Variants in RNF34 observed in about 807,000 individuals in gnomAD.
The protein encoded by RNF34 is ring finger protein 34.
RNF34 carries 12 observed loss-of-function variants against 37.9 expected under a neutral mutation model. The observed-to-expected ratio is 0.32, with a 90% confidence interval of 0.20 to 0.51. The LOEUF (loss-of-function observed/expected upper bound fraction) is 0.51, where lower values mean the gene tolerates loss of function less well. Ranked by LOEUF, RNF34 falls within the 20% of genes least tolerant of loss-of-function variation. RNF34 has a pLI of 0.97. For synonymous variants in RNF34, 155 were observed against 177.2 expected (o/e 0.87, Z 1.00); for missense variants, 362 against 472.7 (o/e 0.77, Z 2.17).
intron 3 of RNF34, chr12:121,418,565 G>A (rs528534112): frequency 4.6e-5 from 7 of 152,530 alleles, no homozygotes; most frequent in African/African-American, 9.6e-5. Context: ...GTTATTAAAA[G>A]TAGAGGAAAG....
chr12:121,404,533 T>G (rs756699957), intron 1 of RNF34, among the ~76,000 whole-genome samples: 4 of 151,628 alleles, frequency 2.6e-5, no homozygotes, highest in Non-Finnish European at 4.4e-5. Context: ...ACTACAGTTG[T>G]GCACCACCAC....
At chr12:121,422,648 T>A (rs2137201482) in intron 5 of RNF34, among the ~76,000 whole-genome samples, 1 of 152,332 alleles carries the variant, frequency 6.6e-6, no homozygotes, top group Middle Eastern at 3.4e-3. Context: ...TATTCATGAT[T>A]CCCTTTGATC....
intron 1 of RNF34, chr12:121,404,797 T>A (rs981912627): frequency 3.9e-5 from 6 of 152,236 alleles, no homozygotes; most frequent in African/African-American, 1.4e-4. Flanking sequence ...AAATTTGTGG[T>A]AAATTTGTGA....
In RNF34 at chr12:121,404,387, C is replaced by CTTTTT. The variant is rs782225104; in HGVS notation, c.6+4190_6+4194dup. Among the ~76,000 whole-genome samples, 82 of 65,848 alleles carry CTTTTT rather than the reference C, an allele frequency of 1.2e-3. 2 individuals are homozygous for CTTTTT. Among genetic ancestry groups the CTTTTT allele is most frequent in the East Asian group, 2.3e-3 (4 of 1,736 alleles). The allele number at this position is 65,848 out of a possible 152,430, so 43.2% of individuals were successfully genotyped here. On this transcript the variant is annotated intron_variant, in intron 1 of 5. Transcript: ENST00000361234. ...CTCTTGTGTCTGGCTGTCATTTAATCTTTTTTTTTTTTTTTTTTTTTTTTT... is the reference window on the plus strand; with the variant it reads ...CTCTTGTGTCTGGCTGTCATTTAATCTTTTTTTTTTTTTTTTTTTTTTTTTTTTTT...
intron 1 of RNF34, among the ~76,000 whole-genome samples, chr12:121,412,270 C>T (rs143117593): frequency 0.028 from 3,947 of 141,772 alleles, 191 homozygotes; most frequent in African/African-American, 0.1. Flanking sequence ...GATGGAGTCC[C>T]GCTCTGTTGC....
At chr12:121,420,171 A>G (rs1001605737) in intron 3 of RNF34, 71 bp from the exon 4 acceptor site, 36 of 1,398,892 alleles carry the variant, frequency 2.6e-5, no homozygotes, top group African/African-American at 7.1e-5. Context: ...GGGAGCATCA[A>G]TGACAAGGTT....
chr12:121,415,077 C>G (rs1383468161), intron 1 of RNF34, among the ~76,000 whole-genome samples: 2 of 140,268 alleles, frequency 1.4e-5, no homozygotes, highest in African/African-American at 5.0e-5. Context: ...GCCTGGGCAA[C>G]AAGAGTGAAG....
intron 5 of RNF34, among the ~76,000 whole-genome samples, chr12:121,421,109 G>A (rs1555283280): frequency 2.0e-5 from 3 of 151,904 alleles, no homozygotes; most frequent in Non-Finnish European, 2.9e-5. Context: ...GCCTTTGGCC[G>A]GCCAGTACCT....
chr12:121,407,635 C>T (rs1406436293), intron 1 of RNF34, among the ~76,000 whole-genome samples: 2 of 152,176 alleles, frequency 1.3e-5, no homozygotes, highest in African/African-American at 4.8e-5. Context: ...ATGCTTCAAT[C>T]TTACTATCAG....
At chr12:121,402,608 T>G (rs1291309469) in intron 1 of RNF34, 2 of 537,352 alleles carry the variant, frequency 3.7e-6, no homozygotes, top group Admixed American at 6.2e-5. Context: ...TTAATCCTCT[T>G]TCCCATTTTT....
intron 1 of RNF34, among the ~76,000 whole-genome samples, chr12:121,413,944 C>G (rs988565218): frequency 6.7e-4 from 102 of 152,246 alleles, no homozygotes; most frequent in African/African-American, 2.4e-3. Context: ...ATATTGAAAT[C>G]CTTGGCTTTG....
chr12:121,421,392 A>C lies in RNF34; in HGVS notation c.928+614A>C, dbSNP rs1020009281. ...TCTCTAAAAAAAAAAAAAAAAAAAA[A>C]AAAAAACCAAAAAAACCTGGTGTGG... On this transcript the variant is annotated intron_variant, in intron 5 of 5. Coordinates refer to ENST00000361234, the MANE Select transcript of RNF34 (RefSeq NM_025126.4). Among the ~76,000 whole-genome samples, 40 of 149,586 alleles carry C rather than the reference A, an allele frequency of 2.7e-4. 1 individual carries two copies. Among genetic ancestry groups the C allele is most frequent in the South Asian group, 2.1e-4 (1 of 4,740 alleles).
intron 1 of RNF34, among the ~76,000 whole-genome samples, chr12:121,411,969 C>T (rs1871103972): frequency 6.6e-6 from 1 of 152,162 alleles, no homozygotes; most frequent in Admixed American, 6.6e-5. Context: ...AACGTGCAAA[C>T]TAAATTTTTT....
chr12:121,423,838 G>C lies in RNF34; in HGVS notation c.*262G>C. On this transcript the variant is annotated 3_prime_UTR_variant, in exon 6 of 6. Transcript: ENST00000361234. The surrounding 1 kb of genome is among the most constrained non-coding windows in gnomAD (Gnocchi z 4.3). Reference sequence around the variant, plus strand: ...CGTGAACACTCATTGAAGTCAGCCTGTTTGCGCCATGTGGGCATCAGCCAC... The same window carrying C: ...CGTGAACACTCATTGAAGTCAGCCTCTTTGCGCCATGTGGGCATCAGCCAC... The C allele has an allele frequency of 7.4e-6, 3 of 406,030 alleles. No homozygotes were observed. The highest frequency in any genetic ancestry group is 1.3e-5 in the Non-Finnish European group (3 of 223,474). 25.2% of individuals were successfully genotyped at this position (406,030 alleles called of 1,614,324 possible).
At chr12:121,413,776 C>T (rs1555281743) in intron 1 of RNF34, among the ~76,000 whole-genome samples, 1 of 151,854 alleles carries the variant, frequency 6.6e-6, no homozygotes, top group Non-Finnish European at 1.5e-5. Context: ...CAGGTTTCAC[C>T]GTGTTGGCCA....
Position 121,400,164 on chromosome 12 carries a change from TG to T in RNF34, c.-47del. On this transcript the variant is annotated 5_prime_UTR_variant, in exon 1 of 6. The change creates a premature stop within an existing upstream ORF in the 5' untranslated region. Transcript: ENST00000361234. ...AGGTCGGCAGTGTGAGGAGCTGCTA[TG>T]GTGCTGAGTTTCCTGGTAGAGCCGG... 1.9e-6 allele frequency: 3 copies of T among 1,601,772 alleles called. No homozygotes were observed. The highest frequency in any genetic ancestry group is 2.5e-6 in the Non-Finnish European group (3 of 1,176,688).
In RNF34 at chr12:121,423,565, T is replaced by G. The variant is rs782734327; in HGVS notation, c.1108T>G (p.Phe370Val). The change falls in exon 6 of 6, where the codon TTC (phenylalanine) becomes GTC (valine). Residue 370 changes from phenylalanine to valine, a missense_variant. By Grantham distance (50) the Phe-to-Val change is conservative. Transcript: ENST00000361234. The surrounding 1 kb of genome is among the most constrained non-coding windows in gnomAD (Gnocchi z 4.3). ...RQYVVRAVHV[F>V]KS ...GTATGTGGTGCGAGCCGTGCACGTG[T>G]TCAAGTCCTGAAACAGGCTCCCCTC... The G allele has an allele frequency of 1.2e-6, 2 of 1,612,894 alleles. No homozygotes were observed. The highest frequency in any genetic ancestry group is 1.7e-6 in the Non-Finnish European group (2 of 1,179,228).
intron 1 of RNF34, among the ~76,000 whole-genome samples, chr12:121,406,177 A>G (rs1445779202): frequency 1.3e-5 from 2 of 152,178 alleles, no homozygotes; most frequent in Non-Finnish European, 2.9e-5. Flanking sequence ...GTCTTTGAAG[A>G]AAAGAGGAGA....
At chr12:121,410,109 G>A (rs782360505) in intron 1 of RNF34, among the ~76,000 whole-genome samples, 41 of 151,986 alleles carry the variant, frequency 2.7e-4, no homozygotes, top group Middle Eastern at 6.8e-3. Context: ...AGCCAAGATC[G>A]TGCCATCGCA....
Sources: allele counts gnomAD v4.1 joint callset (sites outside exome capture counted in the v4.1 genomes callset), GRCh38; gene constraint gnomAD v4.1.1; non-coding constraint Gnocchi (gnomAD v3.1); transcripts MANE v1.5; gene names NCBI Gene and HGNC (gene_info 2026-07-23, HGNC 2026-07-21).